Variants in ITPK1 observed in about 807,000 individuals in gnomAD.
The protein encoded by ITPK1 is inositol 1,3,4-trisphosphate 5/6-kinase.
ITPK1 carries 21 observed loss-of-function variants against 45.3 expected under a neutral mutation model. That is an observed-to-expected ratio of 0.46 (90% confidence interval 0.33 to 0.67). ITPK1 has a LOEUF of 0.67. Among genes scored for constraint, ITPK1 ranks in the 30% least tolerant of loss-of-function variants. ITPK1 has a pLI of 0.02. For missense variants in ITPK1, 474 were observed against 573.5 expected, an observed-to-expected ratio of 0.83 and a Z score of 1.77; for synonymous variants, 258 against 253.6, an observed-to-expected ratio of 1.02 and a Z score of -0.16.
At chr14:93,099,192 C>T (rs903845093) in intron 2 of ITPK1, among the ~76,000 whole-genome samples, 2 of 152,134 alleles carry the variant, frequency 1.3e-5, no homozygotes, top group African/African-American at 4.8e-5. Context: ...CTTAGTATAT[C>T]GGAGCGGAGT....
At chr14:93,052,207 T>G (rs1266059828) in intron 3 of ITPK1, among the ~76,000 whole-genome samples, 1 of 152,226 alleles carries the variant, frequency 6.6e-6, no homozygotes, top group Non-Finnish European at 1.5e-5. Context: ...GGTAGGATAA[T>G]TAATTGTCCC....
rs541170009 is a variant in ITPK1, at chr14:92,941,490, C to T, written c.*71G>A. On this transcript the variant is annotated 3_prime_UTR_variant, in exon 11 of 11. Transcript: ENST00000267615. Reference sequence around the variant, plus strand: ...CTGGGGATTCTTAGTAGTAGCATCGCCGTTGGGAGCTGCTGGCCCAGCGGG... The same window carrying T: ...CTGGGGATTCTTAGTAGTAGCATCGTCGTTGGGAGCTGCTGGCCCAGCGGG... 4.8e-6 allele frequency: 7 copies of T among 1,449,008 alleles called. No homozygotes were observed. In the Admixed American group the frequency reaches 8.9e-5, roughly 19 times the overall value. 89.8% of individuals were successfully genotyped at this position (1,449,008 alleles called of 1,614,324 possible). A position where few individuals can be genotyped will look rare whatever the true frequency, so the allele number is the denominator to read the frequency against.
At chr14:93,048,238 G>A (rs1284677004) in intron 3 of ITPK1, among the ~76,000 whole-genome samples, 1 of 152,220 alleles carries the variant, frequency 6.6e-6, no homozygotes, top group Non-Finnish European at 1.5e-5. Context: ...CAAAGCACTG[G>A]CATCCTTCTC....
At chr14:92,989,638 A>G (rs2139800800) in intron 5 of ITPK1, among the ~76,000 whole-genome samples, 1 of 152,262 alleles carries the variant, frequency 6.6e-6, no homozygotes, top group East Asian at 1.9e-4. Flanking sequence ...GATGGGAGAA[A>G]GAGCCTGCAA....
chr14:92,944,090 C>T (rs1314684475), intron 10 of ITPK1, among the ~76,000 whole-genome samples: 5 of 152,214 alleles, frequency 3.3e-5, no homozygotes, highest in African/African-American at 1.2e-4. Flanking sequence ...GCCTGGCTCA[C>T]GGTGTCATCA....
rs1421746059 is a variant in ITPK1, at chr14:92,940,805, C to T, written c.*756G>A. The T allele has an allele frequency of 1.4e-5, 18 of 1,286,588 alleles. No individual in the cohort carries two copies. Among genetic ancestry groups the T allele is most frequent in the Admixed American group, 2.3e-5 (1 of 43,306 alleles). The allele number at this position is 1,286,588 out of a possible 1,614,324, so 79.7% of individuals were successfully genotyped here. On this transcript the variant is annotated 3_prime_UTR_variant, in exon 11 of 11. Coordinates refer to ENST00000267615, the MANE Select transcript of ITPK1 (RefSeq NM_014216.6). ...AGGCGCCATCGGCTCGGGCCTCCAG[C>T]CAGGCAGCCTCCTTCCCGGGCTCCA...
chr14:93,009,927 C>A (rs1887807527), intron 4 of ITPK1, among the ~76,000 whole-genome samples: 1 of 152,208 alleles, frequency 6.6e-6, no homozygotes, highest in African/African-American at 2.4e-5. Context: ...TTCTACCTGA[C>A]CCTGGGCAAG....
At chr14:92,968,592 G>A (rs1370626115) in intron 5 of ITPK1, among the ~76,000 whole-genome samples, 1 of 152,176 alleles carries the variant, frequency 6.6e-6, no homozygotes, top group Non-Finnish European at 1.5e-5. Flanking sequence ...CTGGAGTCCA[G>A]ACGAAATGCA....
At chr14:93,038,523 TTTTG>T (rs1484203144) in intron 3 of ITPK1, among the ~76,000 whole-genome samples, 12 of 152,148 alleles carry the variant, frequency 7.9e-5, no homozygotes, top group East Asian at 7.7e-4. Flanking sequence ...ATATGTGGGT[TTTTG>T]TTTGTTTGTT....
chr14:92,944,488 T>C (rs1887584837), intron 10 of ITPK1, among the ~76,000 whole-genome samples: 1 of 152,014 alleles, frequency 6.6e-6, no homozygotes, highest in Non-Finnish European at 1.5e-5. Context: ...CCATCCCTTA[T>C]CTGCACCCAT....
rs117987668 is a variant in ITPK1 at position 92,989,667 on chromosome 14, C to T, written c.364+4213G>A. On this transcript the variant is annotated intron_variant, in intron 5 of 10. Transcript: ENST00000267615. ...CCTGCAAATTCAATGTTTGTTACTG[C>T]GGCCTCCTCCCTCCCTCCCCGAGGC... is the stretch of plus-strand genomic sequence containing the variant. Among the ~76,000 whole-genome samples, 9 of 152,208 alleles carry T rather than the reference C, an allele frequency of 5.9e-5. No individual in the cohort carries two copies. The East Asian group carries it at 1.2e-3, about 20-fold the overall frequency.
At chr14:93,083,620 G>A (rs1314755021) in intron 2 of ITPK1, among the ~76,000 whole-genome samples, 1 of 152,164 alleles carries the variant, frequency 6.6e-6, no homozygotes, top group Non-Finnish European at 1.5e-5. Context: ...AAAGCCCCAA[G>A]TTATGGTCCC....
chr14:92,965,894 T>G (rs1465826015), intron 5 of ITPK1, among the ~76,000 whole-genome samples: 2 of 152,088 alleles, frequency 1.3e-5, no homozygotes, highest in Non-Finnish European at 2.9e-5. Context: ...TCCCAGCTAC[T>G]CAGGAGGCCG....
chr14:92,971,398 C>T (rs1440220725), intron 5 of ITPK1, among the ~76,000 whole-genome samples: 3 of 152,238 alleles, frequency 2.0e-5, no homozygotes, highest in Admixed American at 6.5e-5. Flanking sequence ...CCCCACTCAT[C>T]GTCGTGGTCC....
At chr14:93,065,627 T>C (rs959310116) in intron 3 of ITPK1, among the ~76,000 whole-genome samples, 9 of 152,100 alleles carry the variant, frequency 5.9e-5, no homozygotes, top group African/African-American at 2.2e-4. Flanking sequence ...GCCCAACCTG[T>C]CCCCCATTCT....
chr14:92,988,059 G>T (rs1886585088), intron 5 of ITPK1, among the ~76,000 whole-genome samples: 1 of 152,204 alleles, frequency 6.6e-6, no homozygotes, highest in African/African-American at 2.4e-5. Flanking sequence ...TCTCAGCCTG[G>T]GTGGCAGACA....
At chr14:92,942,074 G>A (rs1220581977) in intron 10 of ITPK1, among the ~76,000 whole-genome samples, 170 bp from the exon 11 acceptor site, 3 of 152,180 alleles carry the variant, frequency 2.0e-5, no homozygotes, top group African/African-American at 7.2e-5. Flanking sequence ...GGGCTGAGGG[G>A]AGTCAAAAAG....
intron 2 of ITPK1, among the ~76,000 whole-genome samples, chr14:93,083,452 A>G (rs1335639712): frequency 6.6e-6 from 1 of 152,176 alleles, no homozygotes; most frequent in Non-Finnish European, 1.5e-5. Context: ...AATGGTGAAG[A>G]AGCAAGGGAG....
chr14:93,016,925 G>A lies in ITPK1; in HGVS notation c.121-124C>T. 1 of 1,273,036 alleles carries A rather than the reference G, an allele frequency of 7.9e-7. No individual in the cohort carries two copies. The highest frequency in any genetic ancestry group is 1.1e-6 in the Non-Finnish European group (1 of 920,780). The allele number at this position is 1,273,036 out of a possible 1,614,324, so 78.9% of individuals were successfully genotyped here. ...TCGAGCCTCCCTGTAGCACTCTGGA[G>A]ATGGGGCAGGAGGAGGGCTGACATG... On this transcript the variant is annotated intron_variant, in intron 3 of 10. Coordinates refer to ENST00000267615, the MANE Select transcript of ITPK1 (RefSeq NM_014216.6). This position sits in a 1 kb window ranked among gnomAD's most constrained non-coding sequence, Gnocchi z 5.0.
Sources: gnomAD v4.1 joint callset for allele counts (sites outside exome capture counted in the v4.1 genomes callset) on GRCh38, gnomAD v4.1.1 for gene constraint, Gnocchi (gnomAD v3.1) non-coding constraint, MANE v1.5 for transcripts, NCBI Gene and HGNC (gene_info 2026-07-23, HGNC 2026-07-21) for gene names.